ZNF777: variants seen among roughly 807,000 people sequenced by gnomAD.
The protein encoded by ZNF777 is zinc finger protein 777.
ZNF777 carries 7 observed loss-of-function variants against 72.1 expected under a neutral mutation model. That is an observed-to-expected ratio of 0.10 (90% CI 0.06 to 0.18). The LOEUF (loss-of-function observed/expected upper bound fraction) is 0.18, where lower values mean the gene tolerates loss of function less well. Among genes scored for constraint, ZNF777 ranks in the 10% least tolerant of loss-of-function variants. The pLI, the probability that ZNF777 is intolerant of heterozygous loss-of-function variation, is 1.00. For synonymous variants in ZNF777, 545 were observed against 483.5 expected (o/e 1.13, Z -1.67); for missense variants, 828 against 1,128.6 (o/e 0.73, Z 3.82).
At position 149,436,022 on chromosome 7, in the gene ZNF777, A is replaced by T. The variant is rs1345461878; in HGVS notation, c.1339+553T>A. Among the ~76,000 whole-genome samples, 3 of 152,226 alleles carry T rather than the reference A, an allele frequency of 2.0e-5. No individual in the cohort carries two copies. Among genetic ancestry groups the T allele is most frequent in the Non-Finnish European group, 4.4e-5 (3 of 68,050 alleles). On this transcript the variant is annotated intron_variant, in intron 5 of 5. Transcript: ENST00000247930. This position sits in a 1 kb window ranked among gnomAD's most constrained non-coding sequence, Gnocchi z 5.0. The stretch of plus-strand genomic sequence containing the variant: ...AATCCATCACGAAAGATGTCCTGGG[A>T]TCAGGCCACCGTGAGCCCCAGTGCC...
Position 149,432,748 on chromosome 7 carries a change from T to C in ZNF777, c.1524A>G (p.Leu508=), listed in dbSNP as rs1305720583. The stretch of plus-strand genomic sequence containing the variant: ...CCAGCCTTTTCACTGCGGGGTTTCC[T>C]AGCTGCAGGGGCGGGGGGCTCTCCT... ...EGEESPPPLQ[L]GNPAVKRLAP... Residue 508 remains leucine, a synonymous_variant, in exon 6 of 6, where the codon CTA becomes CTG. Coordinates refer to ENST00000247930, the MANE Select transcript of ZNF777 (RefSeq NM_015694.3). The C allele has an allele frequency of 1.2e-6, 2 of 1,611,172 alleles. No individual in the cohort carries two copies. Among genetic ancestry groups the C allele is most frequent in the East Asian group, 2.2e-5 (1 of 44,768 alleles).
Position 149,436,551 on chromosome 7 carries a change from C to G in ZNF777, c.1339+24G>C, listed in dbSNP as rs551130030. On this transcript the variant is annotated intron_variant, in intron 5 of 5. Transcript: ENST00000247930. This position sits in a 1 kb window ranked among gnomAD's most constrained non-coding sequence, Gnocchi z 5.0. Reference sequence around the variant, plus strand: ...GGGAGGCCTCATGGCAACCCTTCCCCGGCCGTCCCCGCCCAGCACTCACCC... The same window carrying G: ...GGGAGGCCTCATGGCAACCCTTCCCGGGCCGTCCCCGCCCAGCACTCACCC... The G allele has an allele frequency of 7.0e-6, 11 of 1,567,448 alleles. No individual in the cohort carries two copies. The Admixed American group carries it at 1.4e-4, about 19-fold the overall frequency.
chr7:149,441,322 A>G (rs564845747), intron 4 of ZNF777, among the ~76,000 whole-genome samples: 1 of 152,236 alleles, frequency 6.6e-6, no homozygotes, highest in African/African-American at 2.4e-5. Context: ...CTGATTAGAA[A>G]GGGAAAAAAG....
In ZNF777 at chr7:149,432,055, G is replaced by A. The variant is rs368065660; in HGVS notation, c.2217C>T (p.Asn739=). ...KSFSEKSKLT[N]HCRVHSRERP... is the part of the protein sequence containing the mutation. ...GCTCGCGCGAGTGCACGCGGCAGTGGTTGGTGAGCTTGGACTTCTCGCTGA... is the reference window on the plus strand; with the variant it reads ...GCTCGCGCGAGTGCACGCGGCAGTGATTGGTGAGCTTGGACTTCTCGCTGA... The change falls in exon 6 of 6, where the codon AAC becomes AAT. Residue 739 remains asparagine, a synonymous_variant. Coordinates refer to ENST00000247930, the MANE Select transcript of ZNF777 (RefSeq NM_015694.3). 6.2e-6 allele frequency: 10 copies of A among 1,606,382 alleles called. No homozygotes were observed. Among genetic ancestry groups the A allele is most frequent in the Middle Eastern group, 3.3e-4 (2 of 6,058 alleles).
Position 149,432,584 on chromosome 7 carries a change from A to T in ZNF777, c.1688T>A (p.Ile563Asn). Residue 563 changes from isoleucine (I) to asparagine (N), a missense_variant, in exon 6 of 6, where the codon ATC becomes AAC. Transcript: ENST00000247930. ...CTCCTTGATGTGGTTGCGCTGGTGG[A>T]TGATGAGGTTGATCTTCAGGCGGAA... Reference protein sequence around the residue: ...KSFRLKINLIIHQRNHIKEGP... With the variant: ...KSFRLKINLINHQRNHIKEGP... The T allele has an allele frequency of 6.2e-7, 1 of 1,612,210 alleles. No homozygotes were observed.
chr7:149,459,861 G>A, intron 1 of ZNF777: 4 of 984,242 alleles, frequency 4.1e-6, no homozygotes, highest in Non-Finnish European at 4.8e-6. Flanking sequence ...GCCTCCGGGC[G>A]CCCCACCTCG....
intron 3 of ZNF777, among the ~76,000 whole-genome samples, chr7:149,453,215 G>A (rs1317384345): frequency 6.6e-6 from 1 of 152,020 alleles, no homozygotes; most frequent in Non-Finnish European, 1.5e-5. Context: ...GTGAATGGGT[G>A]GTGGTTGCTC....
At chr7:149,437,860 T>C (rs1799445367) in intron 4 of ZNF777, among the ~76,000 whole-genome samples, 1 of 148,850 alleles carries the variant, frequency 6.7e-6, no homozygotes, top group African/African-American at 2.5e-5. Context: ...TACTCAAATA[T>C]CTTGTAGAAA....
chr7:149,448,723 G>A (rs994863280), intron 4 of ZNF777, among the ~76,000 whole-genome samples: 2 of 151,448 alleles, frequency 1.3e-5, no homozygotes, highest in Admixed American at 6.6e-5. Flanking sequence ...TTTCAGCCAT[G>A]CCTTCTGGTT....
At chr7:149,449,546 T>C (rs934939904) in intron 4 of ZNF777, among the ~76,000 whole-genome samples, 1 of 152,210 alleles carries the variant, frequency 6.6e-6, no homozygotes, top group Non-Finnish European at 1.5e-5. Flanking sequence ...GGACAGCAGA[T>C]TGTATTTTAG....
chr7:149,453,625 A>G (rs748543621), intron 3 of ZNF777, among the ~76,000 whole-genome samples: 8 of 152,230 alleles, frequency 5.3e-5, no homozygotes, highest in Non-Finnish European at 1.2e-4. Context: ...CACCTGAATC[A>G]TCGAACAGGA....
chr7:149,452,339 T>G (rs1316119027), intron 3 of ZNF777, among the ~76,000 whole-genome samples: 1 of 149,172 alleles, frequency 6.7e-6, no homozygotes, highest in African/African-American at 2.5e-5. Flanking sequence ...CATATTTAAA[T>G]AAATGAAGTA....
At chr7:149,438,294 G>A (rs1799452229) in intron 4 of ZNF777, among the ~76,000 whole-genome samples, 1 of 152,146 alleles carries the variant, frequency 6.6e-6, no homozygotes, top group African/African-American at 2.4e-5. Context: ...CACCACACCT[G>A]GCTTCAAATC....
chr7:149,449,571 A>G (rs1455343250), intron 4 of ZNF777, among the ~76,000 whole-genome samples: 1 of 152,056 alleles, frequency 6.6e-6, no homozygotes, highest in Non-Finnish European at 1.5e-5. Context: ...TTAACCACAA[A>G]TCATCTCTCC....
At chr7:149,453,306 G>A (rs1325298605) in intron 3 of ZNF777, among the ~76,000 whole-genome samples, 1 of 151,984 alleles carries the variant, frequency 6.6e-6, no homozygotes, top group Non-Finnish European at 1.5e-5. Flanking sequence ...ATTTTAAAAG[G>A]AAGGGAATGT....
At chr7:149,433,745 T>A (rs1352018166) in intron 5 of ZNF777, among the ~76,000 whole-genome samples, 1 of 152,202 alleles carries the variant, frequency 6.6e-6, no homozygotes, top group Non-Finnish European at 1.5e-5. Context: ...TGAATCTGGA[T>A]CAGGTGCAGG....
At chr7:149,458,502 GAAACAAAACAAAACAAAACA>G (rs59457062) in intron 1 of ZNF777, among the ~76,000 whole-genome samples, 3 of 149,356 alleles carry the variant, frequency 2.0e-5, no homozygotes, top group East Asian at 2.0e-4. Flanking sequence ...CTGAAACAAT[GAAACAAAACAAAACAAAACA>G]AAACAAAACA....
chr7:149,433,073 C>T, intron 5 of ZNF777, 141 bp from the exon 6 acceptor site: 1 of 1,316,530 alleles, frequency 7.6e-7, no homozygotes, highest in South Asian at 1.8e-5. Flanking sequence ...AAAGTCCCCT[C>T]ATTGCGTCCC....
chr7:149,455,702 G>A lies in ZNF777; in HGVS notation c.321C>T (p.Pro107=). Residue 107 remains proline (P), a synonymous_variant, in exon 2 of 6, where the codon CCC becomes CCT. Transcript: ENST00000247930. The surrounding 1 kb of genome is among the most constrained non-coding windows in gnomAD (Gnocchi z 4.2). The part of the protein sequence containing the change: ...LASQEGTQYP[P]PAAAEQEVSL... ...AGACTTCTTGTTCAGCAGCAGCTGG[G>A]GGTGGATACTGGGTCCCTTCCTGGG... The A allele has an allele frequency of 1.3e-6, 2 of 1,573,284 alleles. No individual in the cohort carries two copies. Among genetic ancestry groups the A allele is most frequent in the Non-Finnish European group, 1.7e-6 (2 of 1,160,124 alleles).
Sources: allele counts gnomAD v4.1 joint callset (sites outside exome capture counted in the v4.1 genomes callset), GRCh38; gene constraint gnomAD v4.1.1; non-coding constraint Gnocchi (gnomAD v3.1); transcripts MANE v1.5; gene names NCBI Gene and HGNC (gene_info 2026-07-23, HGNC 2026-07-21).